The following ANXA8 variants were observed in gnomAD, a reference collection of about 807,000 sequenced individuals.
ANXA8 encodes the protein annexin A8.
ANXA8 carries 9 observed loss-of-function variants against 26.8 expected under a neutral mutation model. The ratio of observed to expected loss-of-function variants is 0.34; its 90% CI spans 0.20 to 0.59. ANXA8 has a LOEUF of 0.59. Ranked by LOEUF, ANXA8 falls within the 20% of genes least tolerant of loss-of-function variation. The pLI is 0.84. For missense variants in ANXA8, 83 were observed against 238.5 expected, an observed-to-expected ratio of 0.35 and a Z score of 4.29; for synonymous variants, 39 against 94.8, an observed-to-expected ratio of 0.41 and a Z score of 3.42.
chr10:47,557,255 C>T, the ANXA8 span, among the ~76,000 whole-genome samples: 9 of 145,668 alleles, frequency 6.2e-5, no homozygotes, highest in East Asian at 6.1e-4. Context: ...ATGATCTGCC[C>T]GCCTCAGCCT....
chr10:47,698,678 A>G, the ANXA8 span, among the ~76,000 whole-genome samples: 2 of 152,188 alleles, frequency 1.3e-5, no homozygotes, highest in Non-Finnish European at 2.9e-5. Context: ...CATCTCTACT[A>G]AAAATATGGA....
chr10:47,733,286 TCTTTC>T, the ANXA8 span, among the ~76,000 whole-genome samples: 2 of 92,508 alleles, frequency 2.2e-5, no homozygotes, highest in African/African-American at 9.6e-5. Context: ...TTTCTTTCTT[TCTTTC>T]TTTCTTTTTT....
At chr10:47,555,277 G>T in the ANXA8 span, among the ~76,000 whole-genome samples, 1 of 151,528 alleles carries the variant, frequency 6.6e-6, no homozygotes, top group Non-Finnish European at 1.5e-5. Flanking sequence ...TTTCTAGTAA[G>T]TTCCAGTGGT....
upstream of ANXA8, among the ~76,000 whole-genome samples, chr10:47,485,875 A>G (rs1270413626): frequency 1.3e-5 from 2 of 151,836 alleles, no homozygotes; most frequent in Non-Finnish European, 2.9e-5. Context: ...TTGGGAGGCC[A>G]AGACAGGTGG....
the ANXA8 span, among the ~76,000 whole-genome samples, chr10:47,953,761 C>T: frequency 2.0e-5 from 3 of 150,576 alleles, no homozygotes; most frequent in African/African-American, 7.4e-5. Context: ...CAAAAGAGGT[C>T]ATACAAATGA....
chr10:47,623,014 C>T, the ANXA8 span, among the ~76,000 whole-genome samples: 13 of 113,366 alleles, frequency 1.1e-4, 2 homozygotes, highest in Admixed American at 5.6e-4. Context: ...ACTTTCACTT[C>T]TCAATTGTTT....
the ANXA8 span, among the ~76,000 whole-genome samples, chr10:47,700,333 A>G: frequency 1.3e-5 from 2 of 151,928 alleles, no homozygotes; most frequent in Non-Finnish European, 2.9e-5. Flanking sequence ...GAGTAAGAAG[A>G]TTAGAATTAG....
the ANXA8 span, among the ~76,000 whole-genome samples, chr10:47,743,315 C>CATATATATATACATATAT: frequency 1.7e-5 from 1 of 60,020 alleles, no homozygotes; most frequent in African/African-American, 5.0e-5. Context: ...TATATATACA[C>CATATATATATACATATAT]ATATATATAT....
the ANXA8 span, chr10:47,581,707 T>G: frequency 3.7e-6 from 1 of 272,648 alleles, no homozygotes; most frequent in African/African-American, 2.3e-5. Context: ...CCTGGGTTCA[T>G]GCCATTCTCC....
At chr10:47,756,463 C>T in the ANXA8 span, among the ~76,000 whole-genome samples, 1,371 of 140,686 alleles carry the variant, frequency 9.7e-3, no homozygotes, top group African/African-American at 0.036. Context: ...AAAGTACCCA[C>T]GGCTCCTGCA....
At chr10:47,950,891 A>G in the ANXA8 span, among the ~76,000 whole-genome samples, 1 of 150,726 alleles carries the variant, frequency 6.6e-6, no homozygotes, top group East Asian at 2.0e-4. Flanking sequence ...TCAATGATTT[A>G]AGCTTTACTT....
the ANXA8 span, among the ~76,000 whole-genome samples, chr10:47,743,353 T>TAC: frequency 7.7e-5 from 3 of 39,094 alleles, no homozygotes; most frequent in Non-Finnish European, 1.2e-4. Context: ...TATATATATA[T>TAC]ACACATATAT....
At chr10:47,944,920 C>T in the ANXA8 span, among the ~76,000 whole-genome samples, 2 of 147,696 alleles carry the variant, frequency 1.4e-5, no homozygotes, top group African/African-American at 5.1e-5. Flanking sequence ...TCTCCTGCAG[C>T]CCCATCTCGC....
chr10:47,520,850 A>C, the ANXA8 span, among the ~76,000 whole-genome samples: 1 of 132,352 alleles, frequency 7.6e-6, no homozygotes, highest in Admixed American at 7.4e-5. Context: ...AAAAAAAAAA[A>C]AAAAAAAAAA....
the ANXA8 span, among the ~76,000 whole-genome samples, chr10:47,650,700 G>A: frequency 3.4e-5 from 5 of 145,328 alleles, no homozygotes; most frequent in Non-Finnish European, 6.0e-5. Context: ...CCAGCTACTC[G>A]GGAGGCTGAG....
chr10:47,720,598 A>G, the ANXA8 span, among the ~76,000 whole-genome samples: 1 of 143,256 alleles, frequency 7.0e-6, no homozygotes, highest in Non-Finnish European at 1.5e-5. Flanking sequence ...TTTTCTCTTT[A>G]CCTTATAAAT....
the ANXA8 span, chr10:47,565,214 C>T: frequency 1.6e-6 from 1 of 628,954 alleles, no homozygotes; most frequent in South Asian, 1.8e-5. Flanking sequence ...AATGCAGGAG[C>T]CTCCCCCCAG....
At chr10:47,951,639 A>G in the ANXA8 span, among the ~76,000 whole-genome samples, 2 of 150,294 alleles carry the variant, frequency 1.3e-5, no homozygotes, top group Non-Finnish European at 2.9e-5. Flanking sequence ...GTGAAACCCC[A>G]TCTCTACTAA....
intron 11 of ANXA8, 90 bp from the exon 12 acceptor site, chr10:47,468,996 C>T: frequency 6.5e-7 from 1 of 1,546,514 alleles, no homozygotes; most frequent in South Asian, 1.2e-5. Context: ...AAGAGGTGTG[C>T]CCCTGGCCTG....
Sources: allele counts gnomAD v4.1 joint callset (sites outside exome capture counted in the v4.1 genomes callset), GRCh38; gene constraint gnomAD v4.1.1; transcripts MANE v1.5; gene names NCBI Gene and HGNC (gene_info 2026-07-23, HGNC 2026-07-21).